BCKDHB: variants seen among roughly 807,000 people sequenced by gnomAD.
BCKDHB encodes branched chain keto acid dehydrogenase E1 subunit beta.
In BCKDHB, 41 loss-of-function variants were observed where a neutral mutation model predicts 48.5. The ratio of observed to expected loss-of-function variants is 0.85; its 90% CI spans 0.66 to 1.10. The LOEUF (loss-of-function observed/expected upper bound fraction) is 1.10, where lower values mean the gene tolerates loss of function less well. Among genes scored for constraint, BCKDHB ranks in the 50% least tolerant of loss-of-function variants. BCKDHB has a pLI of 0.00. For missense variants in BCKDHB, 496 were observed against 494.2 expected (o/e 1.00, Z -0.03); for synonymous variants, 201 against 174.8 (o/e 1.15, Z -1.18).
intron 8 of BCKDHB, among the ~76,000 whole-genome samples, chr6:80,267,428 G>A (rs1777559679): frequency 2.0e-5 from 3 of 152,074 alleles, no homozygotes; most frequent in African/African-American, 7.2e-5. Context: ...GTACCATGGG[G>A]TTTAATATAA....
chr6:80,328,023 G>A (rs1024896451), intron 9 of BCKDHB, among the ~76,000 whole-genome samples: 1 of 149,896 alleles, frequency 6.7e-6, no homozygotes, highest in Non-Finnish European at 1.5e-5. Context: ...GTCACCTGAC[G>A]ACCATCTGAG....
chr6:80,463,436 A>G, the BCKDHB span, among the ~76,000 whole-genome samples: 11 of 152,184 alleles, frequency 7.2e-5, no homozygotes, highest in African/African-American at 2.7e-4. Context: ...TCACACACAA[A>G]CTGTTGTCCT....
the BCKDHB span, among the ~76,000 whole-genome samples, chr6:80,407,195 G>C: frequency 6.6e-6 from 1 of 152,112 alleles, no homozygotes; most frequent in Admixed American, 6.5e-5. Context: ...TGAGGCCTCT[G>C]TTCTGTTTCA....
chr6:80,257,975 C>CATAT lies in BCKDHB; in HGVS notation c.952-15149_952-15146dup, dbSNP rs149335342. On this transcript the variant is annotated intron_variant, in intron 8 of 9. Coordinates refer to ENST00000320393, the MANE Select transcript of BCKDHB (RefSeq NM_183050.4). ...TGACACCTCAAATTAACCATCACAACATATATATATATATTTATTATAAAA... is the reference window on the plus strand; with the variant it reads ...TGACACCTCAAATTAACCATCACAACATATATATATATATATATTTATTATAAAA... 4.0e-5 allele frequency among the ~76,000 whole-genome samples: 6 copies of CATAT among 150,898 alleles called. No homozygotes were observed. The East Asian group carries it at 9.7e-4, about 24-fold the overall frequency.
the BCKDHB span, among the ~76,000 whole-genome samples, chr6:80,407,307 T>C: frequency 6.6e-6 from 1 of 152,202 alleles, no homozygotes; most frequent in African/African-American, 2.4e-5. Flanking sequence ...CCAGGTTTGT[T>C]CTTTTAGCTT....
rs377189940 is a variant in BCKDHB, at chr6:80,155,839, G to GTTT, written c.344-11824_344-11822dup. Among the ~76,000 whole-genome samples, 152 of 110,052 alleles carry GTTT rather than the reference G, an allele frequency of 1.4e-3. 1 individual carries two copies. Among genetic ancestry groups the GTTT allele is most frequent in the African/African-American group, 2.0e-3 (64 of 32,752 alleles). 72.2% of individuals were successfully genotyped at this position (110,052 alleles called of 152,430 possible). ...ATTTACCTCATAATAATGCAAAGTTGTTTTTTTTTTTTTTTTTAGGTTTTC... is the reference window on the plus strand; with the variant it reads ...ATTTACCTCATAATAATGCAAAGTTGTTTTTTTTTTTTTTTTTTTTAGGTTTTC... On this transcript the variant is annotated intron_variant, in intron 3 of 9. Transcript: ENST00000320393.
the BCKDHB span, chr6:80,355,825 C>T: frequency 2.0e-5 from 3 of 152,218 alleles, no homozygotes; most frequent in African/African-American, 7.2e-5. Flanking sequence ...CTGCCGGTAG[C>T]TATGGAAGGC....
intron 3 of BCKDHB, among the ~76,000 whole-genome samples, chr6:80,130,530 A>G (rs1438169691): frequency 1.3e-5 from 2 of 151,964 alleles, no homozygotes; most frequent in African/African-American, 4.8e-5. Flanking sequence ...GCTTTCTCCT[A>G]CTTCTAATAC....
rs1198301778 is a variant in BCKDHB, at chr6:80,152,581, G to A, written c.344-15097G>A. Among the ~76,000 whole-genome samples, 5 of 152,170 alleles carry A rather than the reference G, an allele frequency of 3.3e-5. No homozygotes were observed. In the East Asian group the frequency reaches 9.6e-4, roughly 29 times the overall value. On this transcript the variant is annotated intron_variant, in intron 3 of 9. Coordinates refer to ENST00000320393, the MANE Select transcript of BCKDHB (RefSeq NM_183050.4). ...AATCATTTGTTTCATTCATGACAGGGTGATTTCCAAAGTACAGACATTTTA... is the reference window on the plus strand; with the variant it reads ...AATCATTTGTTTCATTCATGACAGGATGATTTCCAAAGTACAGACATTTTA...
At chr6:80,112,509 T>A (rs2127708126) in intron 1 of BCKDHB, among the ~76,000 whole-genome samples, 1 of 152,302 alleles carries the variant, frequency 6.6e-6, no homozygotes, top group African/African-American at 2.4e-5. Flanking sequence ...CAAGCAATAC[T>A]GGGCCAAACA....
intron 8 of BCKDHB, among the ~76,000 whole-genome samples, chr6:80,216,715 T>C (rs988775576): frequency 1.3e-5 from 2 of 152,230 alleles, no homozygotes; most frequent in African/African-American, 4.8e-5. Flanking sequence ...TTAGGTGTAA[T>C]ACAAGAAATC....
At chr6:80,391,502 C>G in the BCKDHB span, among the ~76,000 whole-genome samples, 2 of 152,028 alleles carry the variant, frequency 1.3e-5, no homozygotes, top group Admixed American at 6.6e-5. Context: ...CAAGGAGCAC[C>G]GAGGATTGCC....
intron 3 of BCKDHB, among the ~76,000 whole-genome samples, chr6:80,142,764 T>C (rs559326174): frequency 1.1e-4 from 17 of 152,254 alleles, no homozygotes; most frequent in African/African-American, 3.8e-4. Flanking sequence ...GAGTCATTTT[T>C]CTTTTCTAAA....
At chr6:80,355,116 G>A in the BCKDHB span, among the ~76,000 whole-genome samples, 126 of 152,200 alleles carry the variant, frequency 8.3e-4, no homozygotes, top group African/African-American at 2.8e-3. Context: ...AATGATATTA[G>A]TTATTCCAAT....
intron 9 of BCKDHB, among the ~76,000 whole-genome samples, chr6:80,298,463 G>T (rs1767378227): frequency 6.6e-6 from 1 of 152,176 alleles, no homozygotes; most frequent in Non-Finnish European, 1.5e-5. Flanking sequence ...AATATGTCTG[G>T]CTTTTGGGCT....
At chr6:80,195,348 G>A (rs1312742119) in intron 6 of BCKDHB, among the ~76,000 whole-genome samples, 3 of 152,062 alleles carry the variant, frequency 2.0e-5, no homozygotes, top group Non-Finnish European at 4.4e-5. Context: ...AGTGCACTTA[G>A]TTTTCTTGTT....
intron 8 of BCKDHB, 54 bp from the exon 9 acceptor site, chr6:80,273,081 A>G (rs931968192): frequency 5.3e-6 from 7 of 1,313,080 alleles, no homozygotes; most frequent in African/African-American, 1.5e-5. Flanking sequence ...AACTACCATC[A>G]TATATATAAA....
chr6:80,247,079 C>G (rs530590117), intron 8 of BCKDHB, among the ~76,000 whole-genome samples: 2 of 152,234 alleles, frequency 1.3e-5, no homozygotes, highest in Non-Finnish European at 2.9e-5. Context: ...CTCAATTCTA[C>G]AGTTCTGCAT....
chr6:80,409,265 C>T, the BCKDHB span, among the ~76,000 whole-genome samples: 3 of 152,004 alleles, frequency 2.0e-5, no homozygotes, highest in East Asian at 5.8e-4. Flanking sequence ...GATTTCTGTT[C>T]TGTTACATTT....
Sources: gnomAD v4.1 joint callset for allele counts (sites outside exome capture counted in the v4.1 genomes callset) on GRCh38, gnomAD v4.1.1 for gene constraint, MANE v1.5 for transcripts, NCBI Gene and HGNC (gene_info 2026-07-23, HGNC 2026-07-21) for gene names.